SUGCT: variants seen among roughly 807,000 people sequenced by gnomAD.
SUGCT encodes succinyl-CoA:glutarate-CoA transferase, also known as succinyl-CoA:glutarate CoA-transferase.
In SUGCT, 41 loss-of-function variants were observed where a neutral mutation model predicts 55.0. The observed-to-expected ratio is 0.74, with a 90% CI of 0.58 to 0.97. The LOEUF (loss-of-function observed/expected upper bound fraction) is 0.97. Among genes scored for constraint, SUGCT ranks in the 50% least tolerant of loss-of-function variants. SUGCT has a pLI of 0.00. For missense variants in SUGCT, 568 were observed against 547.8 expected (o/e 1.04, Z -0.37); for synonymous variants, 187 against 200.4 (o/e 0.93, Z 0.56).
the SUGCT span, among the ~76,000 whole-genome samples, chr7:41,037,195 A>G: frequency 1.3e-5 from 2 of 152,156 alleles, no homozygotes; most frequent in Non-Finnish European, 2.9e-5. Flanking sequence ...CTTGCCAACC[A>G]AGGGCATTTG....
At chr7:40,434,729 C>T (rs760849691) in intron 9 of SUGCT, among the ~76,000 whole-genome samples, 1 of 152,132 alleles carries the variant, frequency 6.6e-6, no homozygotes, top group Non-Finnish European at 1.5e-5. Flanking sequence ...GAAGTGAGTC[C>T]TATAAAGAAC....
At chr7:40,440,401 T>A (rs1788451709) in intron 9 of SUGCT, among the ~76,000 whole-genome samples, 1 of 151,966 alleles carries the variant, frequency 6.6e-6, no homozygotes, top group South Asian at 2.1e-4. Flanking sequence ...ACTTAAGTGA[T>A]CCACCTGCCT....
chr7:40,684,026 GTC>G, intron 12 of SUGCT: 1 of 1,611,732 alleles, frequency 6.2e-7, no homozygotes, highest in Non-Finnish European at 8.5e-7. Context: ...TATGACTGAG[GTC>G]TCTGTTTTCT....
At chr7:40,838,584 T>A (rs781060228) in intron 13 of SUGCT, among the ~76,000 whole-genome samples, 10 of 152,190 alleles carry the variant, frequency 6.6e-5, no homozygotes, top group Non-Finnish European at 1.3e-4. Flanking sequence ...TGTGATTGCT[T>A]TTTGCGTCTT....
the SUGCT span, among the ~76,000 whole-genome samples, chr7:40,882,328 C>T: frequency 1.3e-5 from 2 of 152,206 alleles, no homozygotes; most frequent in African/African-American, 4.8e-5. Context: ...GAGCATGGAG[C>T]TCTGGTGTCT....
At chr7:40,722,070 A>AT (rs555846890) in intron 12 of SUGCT, among the ~76,000 whole-genome samples, 26 of 147,730 alleles carry the variant, frequency 1.8e-4, no homozygotes, top group East Asian at 3.9e-4. Context: ...TCTCCCAGTA[A>AT]TTTTTTTTTT....
intron 9 of SUGCT, among the ~76,000 whole-genome samples, chr7:40,429,975 G>A (rs980607267): frequency 6.6e-6 from 1 of 152,062 alleles, no homozygotes; most frequent in Non-Finnish European, 1.5e-5. Flanking sequence ...TATCCTCCAG[G>A]CTTATCTAAG....
intron 13 of SUGCT, among the ~76,000 whole-genome samples, chr7:40,823,466 A>G (rs1347912646): frequency 1.3e-5 from 2 of 152,120 alleles, no homozygotes; most frequent in Admixed American, 1.3e-4. Context: ...TCAAAACCTA[A>G]CACTGGAGAA....
chr7:40,339,832 A>G (rs772674042), intron 9 of SUGCT, among the ~76,000 whole-genome samples: 4 of 152,194 alleles, frequency 2.6e-5, no homozygotes, highest in African/African-American at 4.8e-5. Context: ...CGTCTTCTGC[A>G]TCACTTACGC....
the SUGCT span, among the ~76,000 whole-genome samples, chr7:40,953,851 A>C: frequency 6.6e-6 from 1 of 152,356 alleles, no homozygotes; most frequent in East Asian, 1.9e-4. Flanking sequence ...GTGAAGTATC[A>C]GTCTGCCCCT....
chr7:40,474,156 A>G (rs1056051210), intron 11 of SUGCT, among the ~76,000 whole-genome samples: 1 of 152,192 alleles, frequency 6.6e-6, no homozygotes, highest in African/African-American at 2.4e-5. Flanking sequence ...TAGTTTACTT[A>G]ATTACTAAAT....
intron 7 of SUGCT, among the ~76,000 whole-genome samples, chr7:40,245,431 T>TATATATATACA (rs1184624224): frequency 3.2e-5 from 1 of 31,364 alleles, no homozygotes; most frequent in Non-Finnish European, 5.3e-5. Context: ...ATATTTTTTT[T>TATATATATACA]TTTTTTTTTT....
the SUGCT span, among the ~76,000 whole-genome samples, chr7:40,957,984 T>C: frequency 6.6e-6 from 1 of 152,092 alleles, no homozygotes; most frequent in South Asian, 2.1e-4. Context: ...AATGTTGCAT[T>C]TTGGCCCCCA....
chr7:40,948,739 A>C, the SUGCT span, among the ~76,000 whole-genome samples: 50,300 of 151,852 alleles, frequency 0.33, 8,769 homozygotes, highest in African/African-American at 0.44. Context: ...TTTGCTGAGA[A>C]TGATGATTTC....
chr7:40,727,514 C>T lies in SUGCT; in HGVS notation c.1090-21920C>T, dbSNP rs184024528. On this transcript the variant is annotated intron_variant, in intron 12 of 13. Coordinates refer to ENST00000335693, the MANE Select transcript of SUGCT (RefSeq NM_001193313.2). Reference sequence around the variant, plus strand: ...ATTTATTGACAAATGGAAGACTATTCCACCTAAAACATTGTTGTGTACTTC... The same window carrying T: ...ATTTATTGACAAATGGAAGACTATTTCACCTAAAACATTGTTGTGTACTTC... Among the ~76,000 whole-genome samples the T allele has an allele frequency of 1.4e-3, 219 of 152,262 alleles. 1 individual carries two copies. The highest frequency in any genetic ancestry group is 2.0e-3 in the Non-Finnish European group (137 of 68,026).
chr7:40,314,676 T>C (rs1270610385), intron 8 of SUGCT, among the ~76,000 whole-genome samples: 1 of 151,450 alleles, frequency 6.6e-6, no homozygotes, highest in African/African-American at 2.4e-5. Context: ...GCGATTCTCC[T>C]GCCTCAGCCT....
chr7:40,805,604 T>C (rs1348657524), intron 13 of SUGCT, among the ~76,000 whole-genome samples: 2 of 152,212 alleles, frequency 1.3e-5, no homozygotes, highest in Non-Finnish European at 1.5e-5. Context: ...AAGCAAAGCA[T>C]TTGCTGTTTC....
intron 12 of SUGCT, among the ~76,000 whole-genome samples, chr7:40,544,801 G>A (rs1305140673): frequency 6.6e-6 from 1 of 152,172 alleles, no homozygotes; most frequent in Non-Finnish European, 1.5e-5. Context: ...TAGCTGCAGA[G>A]TGCTCAGACA....
chr7:40,387,405 A>G (rs1354174117), intron 9 of SUGCT, among the ~76,000 whole-genome samples: 1 of 152,180 alleles, frequency 6.6e-6, no homozygotes, highest in East Asian at 1.9e-4. Flanking sequence ...GACAGGGTTC[A>G]GGGCTATACT....
Sources: gnomAD v4.1 joint callset for allele counts (sites outside exome capture counted in the v4.1 genomes callset) on GRCh38, gnomAD v4.1.1 for gene constraint, MANE v1.5 for transcripts, NCBI Gene and HGNC (gene_info 2026-07-23, HGNC 2026-07-21) for gene names.